The following ADAM19 variants were observed in gnomAD, a reference collection of about 807,000 sequenced individuals.
The protein encoded by ADAM19 is disintegrin and metalloproteinase domain-containing protein 19.
Under a neutral mutation model 114.7 loss-of-function variants are expected in ADAM19, and 65 were observed. That is an observed-to-expected ratio of 0.57 (90% CI 0.46 to 0.70). The LOEUF is 0.70. ADAM19 is among the 30% of genes least tolerant of loss of function. The pLI is 0.00. For missense variants in ADAM19, 1,063 were observed against 1,204.7 expected, an observed-to-expected ratio of 0.88 and a Z score of 1.74; for synonymous variants, 466 against 460.5, an observed-to-expected ratio of 1.01 and a Z score of -0.15.
chr5:157,533,488 T>G (rs913317694), intron 4 of ADAM19, among the ~76,000 whole-genome samples: 2 of 151,996 alleles, frequency 1.3e-5, no homozygotes, highest in Admixed American at 1.3e-4. Context: ...CATGAAGCAC[T>G]CAAGTCCTGA....
chr5:157,571,352 G>A (rs921456906), intron 1 of ADAM19, among the ~76,000 whole-genome samples: 2 of 152,194 alleles, frequency 1.3e-5, no homozygotes, highest in South Asian at 2.1e-4. Flanking sequence ...AGGCAGCCAT[G>A]CAAAAACGTG....
chr5:157,499,331 A>G (rs955127775), intron 13 of ADAM19, among the ~76,000 whole-genome samples: 2 of 150,700 alleles, frequency 1.3e-5, no homozygotes, highest in African/African-American at 4.9e-5. Flanking sequence ...TTAAAAAAGA[A>G]AAAAAAAAGT....
intron 12 of ADAM19, among the ~76,000 whole-genome samples, chr5:157,500,881 T>C (rs1289708621): frequency 2.0e-5 from 3 of 152,008 alleles, no homozygotes; most frequent in Non-Finnish European, 2.9e-5. Context: ...GCTCCACAGA[T>C]CTCTCCACCA....
intron 11 of ADAM19, among the ~76,000 whole-genome samples, chr5:157,505,148 T>C (rs1755701512): frequency 6.9e-6 from 1 of 145,648 alleles, no homozygotes; most frequent in Non-Finnish European, 1.5e-5. Flanking sequence ...AATTTCCTCA[T>C]GACCACAGGG....
At chr5:157,487,397 C>CTTTGGAGGCTG (rs1754976216) in intron 21 of ADAM19, among the ~76,000 whole-genome samples, 1 of 152,226 alleles carries the variant, frequency 6.6e-6, no homozygotes, top group Non-Finnish European at 1.5e-5. Context: ...AAGCCTGCAG[C>CTTTGGAGGCTG]CAACCCCAGA....
intron 1 of ADAM19, 65 bp from the exon 2 acceptor site, chr5:157,571,045 G>A: frequency 1.4e-6 from 2 of 1,423,952 alleles, no homozygotes; most frequent in East Asian, 2.3e-5. Context: ...AGCCACACAT[G>A]CACTTTCTGT....
chr5:157,558,363 G>C (rs1437915274), intron 3 of ADAM19, among the ~76,000 whole-genome samples: 1 of 152,202 alleles, frequency 6.6e-6, no homozygotes, highest in Non-Finnish European at 1.5e-5. Flanking sequence ...GCTGCGAGTA[G>C]AGTTTGGAAA....
At position 157,488,874 on chromosome 5, in the gene ADAM19, AC is replaced by A. The variant is rs1468509561; in HGVS notation, c.2325+227del. ...GTGAAACCCCGTCTCTATTAAAAAT[AC>A]AAAAATTAGCCAGGCATGGTGGTGG... On this transcript the variant is annotated intron_variant, in intron 20 of 22. Coordinates refer to ENST00000257527, the MANE Select transcript of ADAM19 (RefSeq NM_033274.5). Among the ~76,000 whole-genome samples, 21 of 152,266 alleles carry A rather than the reference AC, an allele frequency of 1.4e-4. No homozygotes were observed. The South Asian group carries it at 3.9e-3, about 29-fold the overall frequency.
At position 157,490,438 on chromosome 5, in the gene ADAM19, T is replaced by C; in HGVS notation, c.2112A>G (p.Val704=). ...CCAAGATGGCCACCAACACTCCAGCTACCACAGGACCCACACCTTCCAGAA... is the reference window on the plus strand; with the variant it reads ...CCAAGATGGCCACCAACACTCCAGCCACCACAGGACCCACACCTTCCAGAA... ...PMPPESVGPV[V]AGVLVAILVL... The change falls in exon 19 of 23, where the codon GTA becomes GTG. Residue 704 remains valine (V), a synonymous_variant. Transcript: ENST00000257527. 1 of 1,614,072 alleles carries C rather than the reference T, an allele frequency of 6.2e-7. No homozygotes were observed. The highest frequency in any genetic ancestry group is 8.5e-7 in the Non-Finnish European group (1 of 1,180,026).
chr5:157,494,725 T>C lies in ADAM19; in HGVS notation c.1665A>G (p.Gly555=). ...TCCTGTGTTCACCATTCATGTCCTT[T>C]CCACAGTTTCCAAAGGTGTCTCCTG... ...NVAGDTFGNC[G]KDMNGEHRKC... is the part of the protein sequence containing the mutation. The change falls in exon 15 of 23, where the codon GGA becomes GGG. Residue 555 remains glycine (G), a synonymous_variant. Coordinates refer to ENST00000257527, the MANE Select transcript of ADAM19 (RefSeq NM_033274.5). 6.2e-7 allele frequency: 1 copy of C among 1,613,838 alleles called. No individual in the cohort carries two copies. The highest frequency in any genetic ancestry group is 1.7e-4 in the Middle Eastern group (1 of 6,058).
chr5:157,505,598 G>A (rs759402838), intron 11 of ADAM19, 71 bp downstream of exon 11: 409 of 1,519,174 alleles, frequency 2.7e-4, no homozygotes, highest in Non-Finnish European at 3.5e-4. Context: ...CCAGCTGGGA[G>A]GAACCCCTGG....
At chr5:157,558,795 C>T (rs897950989) in intron 3 of ADAM19, among the ~76,000 whole-genome samples, 8 of 152,218 alleles carry the variant, frequency 5.3e-5, no homozygotes, top group Admixed American at 1.3e-4. Context: ...TAAGAGATGG[C>T]AACTAATCTG....
chr5:157,493,848 G>T (rs1353555108), intron 15 of ADAM19, among the ~76,000 whole-genome samples: 1 of 152,168 alleles, frequency 6.6e-6, no homozygotes, highest in African/African-American at 2.4e-5. Flanking sequence ...GTATCAAACT[G>T]TTCTCAGTTC....
rs575323978 is a variant in ADAM19 at position 157,533,538 on chromosome 5, G to A, written c.331-2655C>T. Among the ~76,000 whole-genome samples, 274 of 152,274 alleles carry A rather than the reference G, an allele frequency of 1.8e-3. 1 individual carries two copies. The highest frequency in any genetic ancestry group is 7.5e-3 in the South Asian group (36 of 4,824). The stretch of plus-strand genomic sequence containing the variant: ...ACTCAACAGGGGAGCCACAAACCCC[G>A]TAGCACAGGATTACTCATGGGGAGA... On this transcript the variant is annotated intron_variant, in intron 4 of 22. Transcript: ENST00000257527.
intron 11 of ADAM19, among the ~76,000 whole-genome samples, chr5:157,504,999 T>G (rs6892559): frequency 0.8 from 120,713 of 151,340 alleles, 48,502 homozygotes; most frequent in East Asian, 0.94. Flanking sequence ...GGCGCCTGTA[T>G]TCCCAGCTAC....
intron 3 of ADAM19, among the ~76,000 whole-genome samples, chr5:157,546,483 A>G (rs1757050358): frequency 6.6e-6 from 1 of 152,106 alleles, no homozygotes. Context: ...CCAAGCCCCA[A>G]ATCTAGCATC....
In ADAM19 at chr5:157,519,942, T is replaced by C. The variant is rs767096840; in HGVS notation, c.497A>G (p.His166Arg). 3 of 1,614,118 alleles carry C rather than the reference T, an allele frequency of 1.9e-6. No individual in the cohort carries two copies. The highest frequency in any genetic ancestry group is 1.1e-5 in the South Asian group (1 of 91,078). The part of the protein sequence containing the change: ...KGQHLIYRSE[H>R]LKPPPGNCGF... The stretch of plus-strand genomic sequence containing the variant: ...ACAGTTTCCCGGGGGCGGCTTGAGA[T>C]GTTCAGATCTGTAAATAAGGTGTTG... The change falls in exon 6 of 23, where the codon CAT becomes CGT. Residue 166 changes from histidine to arginine, a missense_variant. By Grantham distance (29) the His-to-Arg change is conservative. Coordinates refer to ENST00000257527, the MANE Select transcript of ADAM19 (RefSeq NM_033274.5).
chr5:157,552,232 T>C (rs1757219752), intron 3 of ADAM19, among the ~76,000 whole-genome samples: 2 of 152,100 alleles, frequency 1.3e-5, no homozygotes, highest in African/African-American at 2.4e-5. Context: ...TAATAAATGC[T>C]GGTGAGGATG....
intron 3 of ADAM19, among the ~76,000 whole-genome samples, chr5:157,541,240 G>T (rs1245617929): frequency 6.6e-6 from 1 of 152,200 alleles, no homozygotes; most frequent in African/African-American, 2.4e-5. Flanking sequence ...AGACCGGCAG[G>T]AAGCCGTCTC....
Sources: allele counts gnomAD v4.1 joint callset (sites outside exome capture counted in the v4.1 genomes callset), GRCh38; gene constraint gnomAD v4.1.1; transcripts MANE v1.5; gene names NCBI Gene and HGNC (gene_info 2026-07-23, HGNC 2026-07-21).